AGXT2: variants seen among roughly 807,000 people sequenced by gnomAD.
The protein encoded by AGXT2 is alanine--glyoxylate aminotransferase 2, also known as alanine--glyoxylate aminotransferase 2, mitochondrial.
A neutral mutation model predicts 62.5 loss-of-function variants in AGXT2; 61 were observed. The ratio of observed to expected loss-of-function variants is 0.98; its 90% CI spans 0.79 to 1.21. The LOEUF (loss-of-function observed/expected upper bound fraction) is 1.21, where lower values mean the gene tolerates loss of function less well. Among genes scored for constraint, AGXT2 ranks in the 50% most tolerant of loss-of-function variants. AGXT2 has a pLI of 0.00. For synonymous variants in AGXT2, 243 were observed against 218.7 expected (o/e 1.11, Z -0.98); for missense variants, 666 against 641.5 (o/e 1.04, Z -0.41).
chr5:35,037,100 C>T (rs375060007), intron 3 of AGXT2, 35 bp from the exon 4 acceptor site: 20 of 1,612,610 alleles, frequency 1.2e-5, no homozygotes, highest in African/African-American at 2.7e-5. Flanking sequence ...ACCTGCACTG[C>T]GTGCCACGTC....
intron 7 of AGXT2, among the ~76,000 whole-genome samples, chr5:35,028,504 C>A (rs1483069856): frequency 1.4e-5 from 2 of 146,046 alleles, no homozygotes; most frequent in African/African-American, 2.5e-5. Context: ...GCTCCAGAAG[C>A]CTTCATCTGT....
chr5:35,014,189 C>G, intron 9 of AGXT2, 70 bp from the exon 10 acceptor site: 1 of 1,602,724 alleles, frequency 6.2e-7, no homozygotes, highest in Non-Finnish European at 8.5e-7. Context: ...CGCGGTGGCT[C>G]ACACCTGTAA....
intron 9 of AGXT2, among the ~76,000 whole-genome samples, chr5:35,021,765 C>T (rs1284159468): frequency 6.6e-6 from 1 of 151,732 alleles, no homozygotes; most frequent in Non-Finnish European, 1.5e-5. Context: ...GCAAAAGAAA[C>T]TACCATCAGA....
chr5:35,023,170 AAAAAAAGAAAAAAG>A (rs1352746062), intron 9 of AGXT2, among the ~76,000 whole-genome samples: 1 of 70,578 alleles, frequency 1.4e-5, no homozygotes, highest in African/African-American at 3.5e-5. Flanking sequence ...AGATGTAAAA[AAAAAAAGAAAAAAG>A]AAAAAAGAAA....
At chr5:35,045,202 G>T (rs531190378) in intron 1 of AGXT2, among the ~76,000 whole-genome samples, 1 of 152,236 alleles carries the variant, frequency 6.6e-6, no homozygotes, top group South Asian at 2.1e-4. Context: ...TGTAAACAAA[G>T]CTGAACATTT....
Position 35,009,999 on chromosome 5 carries a change from C to T in AGXT2, c.1338+1G>A. 1 of 1,614,210 alleles carries T rather than the reference C, an allele frequency of 6.2e-7. No homozygotes were observed. The highest frequency in any genetic ancestry group is 1.1e-5 in the South Asian group (1 of 91,088). On this transcript the variant is annotated splice_donor_variant, in intron 12 of 13. Transcript: ENST00000231420. LOFTEE classifies it high-confidence loss of function. Reference sequence around the variant, plus strand: ...AGAGAGAGGGGCAGATTAGCACCTACCTTATCCTGCACCATTTCTATGCCT... The same window carrying T: ...AGAGAGAGGGGCAGATTAGCACCTATCTTATCCTGCACCATTTCTATGCCT...
intron 1 of AGXT2, 70 bp downstream of exon 1, chr5:35,047,735 G>A: frequency 6.4e-7 from 1 of 1,570,798 alleles, no homozygotes; most frequent in Non-Finnish European, 8.7e-7. Context: ...CCAGGCAGCA[G>A]CCTTCGGAGC....
chr5:35,034,792 T>C (rs968817692), intron 5 of AGXT2, among the ~76,000 whole-genome samples: 2 of 152,228 alleles, frequency 1.3e-5, no homozygotes, highest in African/African-American at 4.8e-5. Context: ...CAGCTGGCAC[T>C]ATGAAATCAG....
intron 13 of AGXT2, among the ~76,000 whole-genome samples, chr5:35,002,777 G>GGC (rs762659892): frequency 0.18 from 13,535 of 75,290 alleles, 775 homozygotes; most frequent in Middle Eastern, 0.32. Flanking sequence ...ATAGCAGGCT[G>GGC]GGGGGGGGGA....
At chr5:35,045,557 T>G (rs1292307650) in intron 1 of AGXT2, among the ~76,000 whole-genome samples, 1 of 152,144 alleles carries the variant, frequency 6.6e-6, no homozygotes, top group Non-Finnish European at 1.5e-5. Context: ...TGCTCAAATA[T>G]TTTGCCTGAA....
At chr5:35,025,887 T>C in intron 8 of AGXT2, 32 bp from the exon 9 acceptor site, 2 of 1,577,452 alleles carry the variant, frequency 1.3e-6, no homozygotes, top group Middle Eastern at 1.7e-4. Context: ...AGACCTATAA[T>C]AATAGCATCA....
Position 35,025,770 on chromosome 5 carries a change from G to A in AGXT2, c.956C>T (p.Ala319Val), listed in dbSNP as rs760764421. ...CCCTTACATGCCACTTACTTCATCT[G>A]CAATGCACACGCCTCCCCTTGCTCG... ...LVRARGGVCI[A>V]DEVQTGFGRL... Residue 319 changes from alanine (A) to valine (V), a missense_variant, in exon 9 of 14, where the codon GCA (alanine) becomes GTA (valine). Transcript: ENST00000231420. The A allele has an allele frequency of 6.2e-7, 1 of 1,614,034 alleles. No homozygotes were observed. The highest frequency in any genetic ancestry group is 8.5e-7 in the Non-Finnish European group (1 of 1,179,954).
intron 7 of AGXT2, among the ~76,000 whole-genome samples, chr5:35,029,561 C>T (rs344508): frequency 1.3e-5 from 2 of 152,236 alleles, no homozygotes; most frequent in African/African-American, 4.8e-5. Flanking sequence ...AAACCCCAAG[C>T]GGGTGGAGAC....
chr5:35,026,350 T>A, intron 8 of AGXT2, 60 bp downstream of exon 8: 2 of 1,396,160 alleles, frequency 1.4e-6, no homozygotes, highest in South Asian at 1.2e-5. Flanking sequence ...AATATATGAG[T>A]TAAAACTTTC....
chr5:35,005,626 A>G (rs1273772208), intron 12 of AGXT2, among the ~76,000 whole-genome samples: 1 of 147,564 alleles, frequency 6.8e-6, no homozygotes, highest in Non-Finnish European at 1.5e-5. Flanking sequence ...TCCCTCCCTG[A>G]CCTCAACTGC....
chr5:35,013,923 CGTGTTATACCATAGCCCAAT>C, intron 10 of AGXT2, 44 bp downstream of exon 10: 1 of 1,608,812 alleles, frequency 6.2e-7, no homozygotes, highest in South Asian at 1.1e-5. Flanking sequence ...TTCCAACACA[CGTGTTATACCATAGCCCAAT>C]GTACGAGGCC....
At chr5:34,998,909 A>T in intron 13 of AGXT2, 83 bp from the exon 14 acceptor site, 3 of 1,034,408 alleles carry the variant, frequency 2.9e-6, no homozygotes, top group Non-Finnish European at 4.5e-6. Context: ...CTAAAAATCC[A>T]AAACCTTGTG....
intron 1 of AGXT2, among the ~76,000 whole-genome samples, chr5:35,041,487 A>G (rs1767989662): frequency 6.6e-6 from 1 of 152,080 alleles, no homozygotes; most frequent in African/African-American, 2.4e-5. Context: ...TTCCTCAACC[A>G]TTTCCACCCT....
chr5:35,003,779 C>T lies in AGXT2; in HGVS notation c.1421G>A (p.Gly474Asp). ...TTCTCTTACCTGAGAAAAAATGCTG[C>T]CTCTGCCAACGAGGAGTCCCATGTG... ...CKHMGLLVGR[G>D]SIFSQTFRIA... The change falls in exon 13 of 14, where the codon GGC becomes GAC. Residue 474 changes from glycine (G) to aspartate (D), a missense_variant. By Grantham distance (94) the Gly-to-Asp change is moderately conservative. Transcript: ENST00000231420. 2 of 1,614,124 alleles carry T rather than the reference C, an allele frequency of 1.2e-6. No individual in the cohort carries two copies. The highest frequency in any genetic ancestry group is 1.7e-6 in the Non-Finnish European group (2 of 1,180,006).
Sources: gnomAD v4.1 joint callset for allele counts (sites outside exome capture counted in the v4.1 genomes callset) on GRCh38, gnomAD v4.1.1 for gene constraint, MANE v1.5 for transcripts, NCBI Gene and HGNC (gene_info 2026-07-23, HGNC 2026-07-21) for gene names.